KAZN: variants seen among roughly 807,000 people sequenced by gnomAD.
KAZN encodes the protein kazrin.
Under a neutral mutation model 87.4 loss-of-function variants are expected in KAZN, and 40 were observed. That is an observed-to-expected ratio of 0.46 (90% CI 0.36 to 0.60). The LOEUF (loss-of-function observed/expected upper bound fraction) is 0.60. Among genes scored for constraint, KAZN ranks in the 20% least tolerant of loss-of-function variants. KAZN has a pLI of 0.00. For missense variants in KAZN, 898 were observed against 1,073.9 expected (o/e 0.84, Z 2.29); for synonymous variants, 466 against 458.3 (o/e 1.02, Z -0.22).
intron 2 of KAZN, among the ~76,000 whole-genome samples, chr1:14,570,876 A>C (rs917641474): frequency 1.3e-5 from 2 of 152,146 alleles, no homozygotes; most frequent in African/African-American, 4.8e-5. Flanking sequence ...TTTCTTCACT[A>C]TACCTCTGTT....
At chr1:14,320,217 C>T (rs1655954198) in intron 2 of KAZN, among the ~76,000 whole-genome samples, 1 of 152,054 alleles carries the variant, frequency 6.6e-6, no homozygotes, top group African/African-American at 2.4e-5. Flanking sequence ...GGCAGGGAAG[C>T]GCAATATGTG....
At chr1:14,074,289 C>T (rs745555533) in intron 1 of KAZN, among the ~76,000 whole-genome samples, 4 of 152,210 alleles carry the variant, frequency 2.6e-5, no homozygotes, top group Non-Finnish European at 4.4e-5. Context: ...GCCCCCAGCC[C>T]CCAGCCCCTT....
rs533105402 is a variant in KAZN at position 14,758,329 on chromosome 1, CT to C, written c.226+159107del. On this transcript the variant is annotated intron_variant, in intron 1 of 14. Transcript: ENST00000376030. The stretch of plus-strand genomic sequence containing the variant: ...TACAGGCACACAGCACCACACCCAA[CT>C]AATATTTATTTATTTATTTATTTTT... Among the ~76,000 whole-genome samples the C allele has an allele frequency of 1.2e-3, 132 of 106,014 alleles. 2 individuals are homozygous for C. The highest frequency in any genetic ancestry group is 2.4e-3 in the Admixed American group (28 of 11,462). 69.5% of individuals were successfully genotyped at this position (106,014 alleles called of 152,430 possible).
chr1:13,995,219 CA>C (rs113600200), intron 1 of KAZN, among the ~76,000 whole-genome samples: 3,926 of 107,252 alleles, frequency 0.037, 115 homozygotes, highest in East Asian at 0.2. Context: ...TGCAATAAGG[CA>C]AAAAAAAAAA....
At chr1:14,594,054 GAC>G (rs1676350953), upstream of KAZN, among the ~76,000 whole-genome samples, 1 of 152,170 alleles carries the variant, frequency 6.6e-6, no homozygotes, top group African/African-American at 2.4e-5. Flanking sequence ...CACTAGAGTA[GAC>G]AATCCCCATT....
At chr1:14,427,055 C>T (rs1393731748) in intron 2 of KAZN, among the ~76,000 whole-genome samples, 1 of 152,226 alleles carries the variant, frequency 6.6e-6, no homozygotes, top group Non-Finnish European at 1.5e-5. Flanking sequence ...CCAGCAATCT[C>T]ACAAGACCTG....
intron 2 of KAZN, among the ~76,000 whole-genome samples, chr1:14,562,318 G>A (rs946832723): frequency 7.9e-5 from 12 of 152,212 alleles, no homozygotes; most frequent in African/African-American, 2.2e-4. Context: ...TTTGGGATAC[G>A]GAAAAAGTAT....
At chr1:14,658,115 A>G (rs1003160167) in intron 1 of KAZN, among the ~76,000 whole-genome samples, 1 of 152,132 alleles carries the variant, frequency 6.6e-6, no homozygotes, top group Non-Finnish European at 1.5e-5. Flanking sequence ...AGGGCTGGGG[A>G]AGCCTTGAGA....
chr1:14,310,550 C>T (rs1248259591), intron 2 of KAZN, among the ~76,000 whole-genome samples: 1 of 152,178 alleles, frequency 6.6e-6, no homozygotes, highest in African/African-American at 2.4e-5. Context: ...GGTCTCAATT[C>T]CCTTTGAAGG....
In KAZN at chr1:14,956,840, T is replaced by C. The variant is rs1663174142; in HGVS notation, c.227-3844T>C. Reference sequence around the variant, plus strand: ...CTGAGGTGGGAGCACCGAGGGGTGGTTGGGGCTGAGGCCTTTTATAATCTG... The same window carrying C: ...CTGAGGTGGGAGCACCGAGGGGTGGCTGGGGCTGAGGCCTTTTATAATCTG... On this transcript the variant is annotated intron_variant, in intron 1 of 14. Coordinates refer to ENST00000376030, the MANE Select transcript of KAZN (RefSeq NM_201628.3). Among the ~76,000 whole-genome samples the C allele has an allele frequency of 2.0e-5, 3 of 152,206 alleles. No homozygotes were observed. The South Asian group carries it at 6.2e-4, about 32-fold the overall frequency.
chr1:14,605,486 A>G (rs12058119), intron 1 of KAZN, among the ~76,000 whole-genome samples: 3,633 of 152,348 alleles, frequency 0.024, 142 homozygotes, highest in African/African-American at 0.079. Flanking sequence ...AACAGTTAAC[A>G]GATAACATAA....
At chr1:13,994,878 AC>A (rs1639436721) in intron 1 of KAZN, among the ~76,000 whole-genome samples, 1 of 151,746 alleles carries the variant, frequency 6.6e-6, no homozygotes, top group East Asian at 1.9e-4. Flanking sequence ...TGCTAAACAA[AC>A]AAACAAACAA....
chr1:14,103,326 G>A (rs181888550), intron 1 of KAZN, among the ~76,000 whole-genome samples: 14 of 152,332 alleles, frequency 9.2e-5, no homozygotes, highest in Admixed American at 6.5e-4. Flanking sequence ...ACAGTCGCAT[G>A]TTGAGGCACT....
chr1:13,937,629 G>A (rs1219217526), intron 1 of KAZN, among the ~76,000 whole-genome samples: 1 of 152,090 alleles, frequency 6.6e-6, no homozygotes, highest in Non-Finnish European at 1.5e-5. Context: ...GATTTTCCTA[G>A]GTTTTCTTCA....
chr1:14,953,231 G>A (rs140729771), intron 1 of KAZN, among the ~76,000 whole-genome samples: 140 of 152,318 alleles, frequency 9.2e-4, no homozygotes, highest in South Asian at 2.5e-3. Context: ...ACCACCATGC[G>A]CTGAGTGGCT....
intron 1 of KAZN, among the ~76,000 whole-genome samples, chr1:14,893,617 A>C (rs1440699265): frequency 3.3e-5 from 5 of 152,104 alleles, no homozygotes; most frequent in Admixed American, 1.3e-4. Context: ...AGGCTGGGGA[A>C]GGAGAGAATT....
At chr1:14,072,004 G>T (rs780025194) in intron 1 of KAZN, among the ~76,000 whole-genome samples, 1 of 152,138 alleles carries the variant, frequency 6.6e-6, no homozygotes, top group Non-Finnish European at 1.5e-5. Flanking sequence ...TATCAAGAAT[G>T]CAGAGTTTCA....
rs193137866 is a variant in KAZN at position 14,076,793 on chromosome 1, T to C, written c.92-103642T>C. 5.3e-3 allele frequency among the ~76,000 whole-genome samples: 800 copies of C among 152,274 alleles called. 13 individuals are homozygous for C. The highest frequency in any genetic ancestry group is 0.018 in the African/African-American group (765 of 41,556). ...TATCTGACCTTTTCTATAAAAAGTTTGCAGGCTCCTGCTCTCAACTCTCCT... is the reference window on the plus strand; with the variant it reads ...TATCTGACCTTTTCTATAAAAAGTTCGCAGGCTCCTGCTCTCAACTCTCCT... On this transcript the variant is annotated intron_variant, in intron 1 of 16. Coordinates refer to the KAZN transcript ENST00000636203.
chr1:15,009,859 A>G (rs1444619567), intron 2 of KAZN, among the ~76,000 whole-genome samples: 1 of 152,190 alleles, frequency 6.6e-6, no homozygotes, highest in Non-Finnish European at 1.5e-5. Flanking sequence ...CCTCCCCATA[A>G]TATTTTGAAG....
Sources: gnomAD v4.1 joint callset for allele counts (sites outside exome capture counted in the v4.1 genomes callset) on GRCh38, gnomAD v4.1.1 for gene constraint, MANE v1.5 for transcripts, NCBI Gene and HGNC (gene_info 2026-07-23, HGNC 2026-07-21) for gene names.